The following FAM228A variants were observed in gnomAD, a reference collection of about 807,000 sequenced individuals.
FAM228A encodes protein FAM228A.
A neutral mutation model predicts 18.6 loss-of-function variants in FAM228A; 13 were observed. That is an observed-to-expected ratio of 0.70 (90% CI 0.45 to 1.11). FAM228A has a LOEUF of 1.11. Ranked by LOEUF, FAM228A falls within the 50% of genes least tolerant of loss-of-function variation. The pLI, the probability that FAM228A is intolerant of heterozygous loss-of-function variation, is 0.00. For synonymous variants in FAM228A, 77 were observed against 86.6 expected (o/e 0.89, Z 0.61); for missense variants, 240 against 242.2 (o/e 0.99, Z 0.06).
At chr2:24,177,125 G>A (rs1459864504) in intron 2 of FAM228A, among the ~76,000 whole-genome samples, 2 of 152,198 alleles carry the variant, frequency 1.3e-5, no homozygotes, top group Non-Finnish European at 2.9e-5. Context: ...CAAAAGGCGG[G>A]AAACTTCAAG....
In FAM228A at chr2:24,191,176, T is replaced by C; in HGVS notation, c.*545T>C. On this transcript the variant is annotated 3_prime_UTR_variant, in exon 6 of 6. Coordinates refer to ENST00000295150, the MANE Select transcript of FAM228A (RefSeq NM_001040710.3). ...TTTTCAGCTCCTGGTCTATTTCCCC[T>C]TCCATTCTCTCCGCCACGCCCTGTG... The C allele has an allele frequency of 4.1e-6, 4 of 985,694 alleles. No individual in the cohort carries two copies. Among genetic ancestry groups the C allele is most frequent in the Non-Finnish European group, 4.8e-6 (4 of 830,144 alleles). 61.1% of individuals were successfully genotyped at this position (985,694 alleles called of 1,614,324 possible). A position where few individuals can be genotyped will look rare whatever the true frequency, so the allele number is the denominator to read the frequency against.
At chr2:24,175,355 G>A (rs768541444) in intron 1 of FAM228A, 112 bp from the exon 2 acceptor site, 40 of 775,052 alleles carry the variant, frequency 5.2e-5, no homozygotes, top group Non-Finnish European at 8.5e-5. Flanking sequence ...GGGTGACTCG[G>A]CTCAGCTTTT....
At position 24,190,564 on chromosome 2, in the gene FAM228A, G is replaced by T; in HGVS notation, c.554G>T (p.Gly185Val). The T allele has an allele frequency of 6.2e-7, 1 of 1,612,574 alleles. No homozygotes were observed. The highest frequency in any genetic ancestry group is 8.5e-7 in the Non-Finnish European group (1 of 1,179,584). ...VGERKGLVSR[G>V]LGRGWHAGLC... Reference sequence around the variant, plus strand: ...GAAAGAAAGGGTCTGGTGAGCAGAGGCCTGGGGCGGGGCTGGCATGCAGGG... The same window carrying T: ...GAAAGAAAGGGTCTGGTGAGCAGAGTCCTGGGGCGGGGCTGGCATGCAGGG... The change falls in exon 6 of 6, where the codon GGC becomes GTC. Residue 185 changes from glycine (G) to valine (V), a missense_variant. Gly to Val is a moderately radical substitution (Grantham distance 109). Transcript: ENST00000295150.
intron 3 of FAM228A, among the ~76,000 whole-genome samples, chr2:24,182,516 G>T (rs1558403703): frequency 1.3e-5 from 2 of 152,148 alleles, no homozygotes; most frequent in Non-Finnish European, 2.9e-5. Context: ...CTTATCAGGA[G>T]CGGGAAGAAA....
At chr2:24,182,676 C>T (rs1403425388) in intron 3 of FAM228A, among the ~76,000 whole-genome samples, 1 of 152,100 alleles carries the variant, frequency 6.6e-6, no homozygotes, top group African/African-American at 2.4e-5. Context: ...CCTGCTCCTA[C>T]AGGATCCTGA....
At chr2:24,177,988 T>A (rs1667730779) in intron 3 of FAM228A, 118 bp downstream of exon 3, 2 of 632,008 alleles carry the variant, frequency 3.2e-6, no homozygotes, top group Admixed American at 3.0e-5. Context: ...GCAGGAGTAA[T>A]GAGGATCCTC....
Position 24,191,351 on chromosome 2 carries a change from T to A in FAM228A, c.*720T>A. 1.0e-6 allele frequency: 1 copy of A among 985,596 alleles called. No homozygotes were observed. Among genetic ancestry groups the A allele is most frequent in the Non-Finnish European group, 1.2e-6 (1 of 830,074 alleles). The allele number at this position is 985,596 out of a possible 1,614,324, so 61.1% of individuals were successfully genotyped here. On this transcript the variant is annotated 3_prime_UTR_variant, in exon 6 of 6. Coordinates refer to ENST00000295150, the MANE Select transcript of FAM228A (RefSeq NM_001040710.3). ...GCTGCTGCTTTCCAGCCTGTGAGCCTGGATAGGTATTTTGTGACCCAGCTC... is the reference window on the plus strand; with the variant it reads ...GCTGCTGCTTTCCAGCCTGTGAGCCAGGATAGGTATTTTGTGACCCAGCTC...
intron 5 of FAM228A, among the ~76,000 whole-genome samples, chr2:24,184,015 A>C (rs1180304420): frequency 3.3e-5 from 5 of 152,154 alleles, no homozygotes; most frequent in Admixed American, 3.3e-4. Flanking sequence ...GTATTTTTGA[A>C]TTTCATATAA....
rs756526397 is a variant in FAM228A at position 24,183,470 on chromosome 2, ATTTCGATTTT to A, written c.251-22_251-13del. On this transcript the variant is annotated splice_polypyrimidine_tract_variant and intron_variant, in intron 4 of 5. Transcript: ENST00000295150. ...CAACTGGAGTTCTTGAAGAGTGTTG[ATTTCGATTTT>A]TTATCTTCCTGTAGGAAAACGACAT... is the stretch of plus-strand genomic sequence containing the variant. 2.5e-6 allele frequency: 4 copies of A among 1,609,082 alleles called. No individual in the cohort carries two copies. In the South Asian group the frequency reaches 4.4e-5, roughly 18 times the overall value.
chr2:24,182,976 T>A (rs920564061), intron 3 of FAM228A, among the ~76,000 whole-genome samples: 1 of 152,192 alleles, frequency 6.6e-6, no homozygotes, highest in African/African-American at 2.4e-5. Context: ...AGTAAGGGCA[T>A]ACTTGAATGT....
chr2:24,185,472 G>A (rs1667926085), intron 5 of FAM228A, among the ~76,000 whole-genome samples: 1 of 152,090 alleles, frequency 6.6e-6, no homozygotes, highest in African/African-American at 2.4e-5. Flanking sequence ...AAAAGTAATG[G>A]CAAAAACCAC....
At chr2:24,178,338 G>A (rs1212437484) in intron 3 of FAM228A, among the ~76,000 whole-genome samples, 1 of 152,206 alleles carries the variant, frequency 6.6e-6, no homozygotes, top group Non-Finnish European at 1.5e-5. Context: ...GCTGAAGCAA[G>A]AGTATTGCTT....
chr2:24,188,788 A>G (rs531825573), intron 5 of FAM228A: 4 of 447,410 alleles, frequency 8.9e-6, no homozygotes, highest in South Asian at 1.9e-4. Context: ...TTGGTAGTAA[A>G]TTTTCTGCTT....
intron 3 of FAM228A, among the ~76,000 whole-genome samples, chr2:24,178,193 T>C (rs1483954558): frequency 2.6e-5 from 4 of 152,218 alleles, no homozygotes; most frequent in African/African-American, 4.8e-5. Flanking sequence ...TGTTCCCACA[T>C]TGCAGTAAAA....
intron 5 of FAM228A, among the ~76,000 whole-genome samples, chr2:24,189,836 G>A (rs1021495784): frequency 1.3e-5 from 2 of 152,068 alleles, no homozygotes; most frequent in African/African-American, 2.4e-5. Context: ...AAGGAAAGGC[G>A]GGAGGGGGCT....
rs772716681 is a variant in FAM228A at position 24,190,638 on chromosome 2, G to C, written c.*7G>C. ...CATACTGGTTCCAGAATGAGCCACC[G>C]CCACAGCCCTCCCTGTCAGACAGGC... On this transcript the variant is annotated 3_prime_UTR_variant, in exon 6 of 6. Transcript: ENST00000295150. 2.0e-6 allele frequency: 3 copies of C among 1,528,606 alleles called. No homozygotes were observed. In the African/African-American group the frequency reaches 4.2e-5, roughly 21 times the overall value. 94.7% of individuals were successfully genotyped at this position (1,528,606 alleles called of 1,614,324 possible).
intron 5 of FAM228A, chr2:24,188,462 G>A: frequency 2.0e-6 from 2 of 985,334 alleles, no homozygotes; most frequent in Non-Finnish European, 1.2e-6. Context: ...TGTACTCGGG[G>A]CCTGGAGAGT....
In FAM228A at chr2:24,190,610, G is replaced by A. The variant is rs1235216953; in HGVS notation, c.600G>A (p.Gln200=). The A allele has an allele frequency of 3.2e-6, 5 of 1,561,210 alleles. No individual in the cohort carries two copies. Among genetic ancestry groups the A allele is most frequent in the Non-Finnish European group, 4.3e-6 (5 of 1,155,874 alleles). Residue 200 remains glutamine, a synonymous_variant, in exon 6 of 6, where the codon CAG becomes CAA. Transcript: ENST00000295150. ...WHAGLCSTHE[Q]HILVPE is the part of the protein sequence containing the mutation. The stretch of plus-strand genomic sequence containing the variant: ...CAGGGCTTTGCAGCACCCACGAGCA[G>A]CACATACTGGTTCCAGAATGAGCCA...
chr2:24,178,934 C>T (rs1194010379), intron 3 of FAM228A, among the ~76,000 whole-genome samples: 1 of 152,222 alleles, frequency 6.6e-6, no homozygotes, highest in East Asian at 1.9e-4. Context: ...TCTGTGTTCC[C>T]AGCTTCTCTT....
Sources: gnomAD v4.1 joint callset for allele counts (sites outside exome capture counted in the v4.1 genomes callset) on GRCh38, gnomAD v4.1.1 for gene constraint, MANE v1.5 for transcripts, NCBI Gene and HGNC (gene_info 2026-07-23, HGNC 2026-07-21) for gene names.